GALNT1: variants seen among roughly 807,000 people sequenced by gnomAD.
GALNT1 encodes GalNAc transferase 1.
A neutral mutation model predicts 65.7 loss-of-function variants in GALNT1; 17 were observed. The observed-to-expected ratio is 0.26, with a 90% CI of 0.18 to 0.39. The LOEUF is 0.39. Among genes scored for constraint, GALNT1 ranks in the 10% least tolerant of loss-of-function variants. The pLI is 1.00. For missense variants in GALNT1, 460 were observed against 672.8 expected, an observed-to-expected ratio of 0.68 and a Z score of 3.50; for synonymous variants, 210 against 219.7, an observed-to-expected ratio of 0.96 and a Z score of 0.39.
rs994803432 is a variant in GALNT1 at position 35,710,331 on chromosome 18, T to A, written c.*561T>A. 2 of 152,786 alleles carry A rather than the reference T, an allele frequency of 1.3e-5. No homozygotes were observed. Among genetic ancestry groups the A allele is most frequent in the African/African-American group, 4.8e-5 (2 of 41,452 alleles). The allele number at this position is 152,786 out of a possible 1,614,324, so 9.5% of individuals were successfully genotyped here. A position where few individuals can be genotyped will look rare whatever the true frequency, so the allele number is the denominator to read the frequency against. ...TAAAACAGAACTATGAGAAGTACAA[T>A]TTGTTATAGTATAGTATCAAATTTC... is the stretch of plus-strand genomic sequence containing the variant. On this transcript the variant is annotated 3_prime_UTR_variant, in exon 12 of 12. Transcript: ENST00000269195.
chr18:35,625,450 A>G (rs1343633917), intron 1 of GALNT1, among the ~76,000 whole-genome samples: 12 of 152,214 alleles, frequency 7.9e-5, no homozygotes, highest in Admixed American at 7.9e-4. Flanking sequence ...GATGGCTAAG[A>G]TATCAAGTAG....
intron 1 of GALNT1, among the ~76,000 whole-genome samples, chr18:35,647,707 G>C (rs2047249512): frequency 6.6e-6 from 1 of 152,200 alleles, no homozygotes; most frequent in African/African-American, 2.4e-5. Flanking sequence ...GTTCTCAGGA[G>C]AGAGGAGTAA....
intron 1 of GALNT1, among the ~76,000 whole-genome samples, chr18:35,604,561 A>G (rs2046623410): frequency 1.3e-5 from 2 of 152,164 alleles, no homozygotes; most frequent in Non-Finnish European, 2.9e-5. Context: ...CCTTTTCCCT[A>G]CAGCTGCACC....
intron 1 of GALNT1, among the ~76,000 whole-genome samples, chr18:35,630,436 T>C (rs1568019299): frequency 2.0e-5 from 3 of 152,110 alleles, no homozygotes; most frequent in African/African-American, 7.2e-5. Flanking sequence ...AACTGAACAA[T>C]CTGCTTCTGA....
chr18:35,670,847 G>A (rs1381686774), intron 3 of GALNT1, among the ~76,000 whole-genome samples: 3 of 152,230 alleles, frequency 2.0e-5, no homozygotes, highest in South Asian at 2.1e-4. Flanking sequence ...GTGGCACTAT[G>A]TGGCAGTAGG....
At chr18:35,666,011 C>T (rs1374890277) in intron 3 of GALNT1, among the ~76,000 whole-genome samples, 1 of 152,120 alleles carries the variant, frequency 6.6e-6, no homozygotes, top group Non-Finnish European at 1.5e-5. Flanking sequence ...CAGAGGCGAC[C>T]AGCCCAGATG....
intron 1 of GALNT1, among the ~76,000 whole-genome samples, chr18:35,607,428 T>C (rs2046664383): frequency 6.6e-6 from 1 of 152,158 alleles, no homozygotes; most frequent in Non-Finnish European, 1.5e-5. Context: ...GTTTCTGCCC[T>C]GTTTGGCTTG....
chr18:35,629,478 T>A (rs1214466253), intron 1 of GALNT1, among the ~76,000 whole-genome samples: 2 of 151,972 alleles, frequency 1.3e-5, no homozygotes, highest in African/African-American at 4.8e-5. Context: ...AGCTTCACAG[T>A]GAAGGAGAAA....
At chr18:35,662,502 A>G (rs2047491474) in intron 2 of GALNT1, among the ~76,000 whole-genome samples, 1 of 152,048 alleles carries the variant, frequency 6.6e-6, no homozygotes, top group African/African-American at 2.4e-5. Context: ...GCTTTGTACC[A>G]CTGGCTGAAA....
chr18:35,664,999 G>GT (rs1247212621), intron 3 of GALNT1, among the ~76,000 whole-genome samples: 1 of 152,210 alleles, frequency 6.6e-6, no homozygotes, highest in Non-Finnish European at 1.5e-5. Context: ...ACTTGGGAAA[G>GT]TTTCCAACTT....
intron 5 of GALNT1, among the ~76,000 whole-genome samples, chr18:35,685,106 A>G (rs1298493460): frequency 1.3e-5 from 2 of 152,190 alleles, no homozygotes; most frequent in Non-Finnish European, 1.5e-5. Context: ...TGAGGCTGGT[A>G]TAACTGTGAT....
intron 1 of GALNT1, among the ~76,000 whole-genome samples, chr18:35,643,403 C>A (rs767831666): frequency 6.6e-6 from 1 of 152,174 alleles, no homozygotes. Flanking sequence ...TTCCCTTCTT[C>A]CCATAAGGAC....
chr18:35,647,347 T>G (rs9945941), intron 1 of GALNT1, among the ~76,000 whole-genome samples: 66 of 152,338 alleles, frequency 4.3e-4, no homozygotes, highest in African/African-American at 1.4e-3. Context: ...CTTCATAAAG[T>G]CAGGGAGTGT....
At chr18:35,625,643 G>A (rs1253534385) in intron 1 of GALNT1, among the ~76,000 whole-genome samples, 1 of 152,148 alleles carries the variant, frequency 6.6e-6, no homozygotes, top group East Asian at 1.9e-4. Context: ...GCAAAAACAT[G>A]TAGAAAATCT....
chr18:35,683,488 A>G lies in GALNT1; in HGVS notation c.579A>G (p.Arg193=), dbSNP rs776101137. ...MEQRSGLIRA[R]LKGAAVSKGQ... The stretch of plus-strand genomic sequence containing the variant: ...AACGTTCTGGATTGATCAGAGCTAG[A>G]TTAAAAGGAGCTGCTGTGTCTAAAG... The change falls in exon 5 of 12, where the codon AGA becomes AGG. Residue 193 remains arginine, a synonymous_variant. Coordinates refer to ENST00000269195, the MANE Select transcript of GALNT1 (RefSeq NM_020474.4). The G allele has an allele frequency of 6.2e-7, 1 of 1,613,882 alleles. No individual in the cohort carries two copies. The highest frequency in any genetic ancestry group is 2.2e-5 in the East Asian group (1 of 44,868).
intron 1 of GALNT1, among the ~76,000 whole-genome samples, chr18:35,599,033 GTCT>G (rs2046543634): frequency 7.7e-6 from 1 of 129,706 alleles, no homozygotes; most frequent in African/African-American, 2.8e-5. Flanking sequence ...CTATTTGTAT[GTCT>G]TCTTTTTATT....
intron 3 of GALNT1, among the ~76,000 whole-genome samples, chr18:35,676,279 G>T (rs2047709680): frequency 6.6e-6 from 1 of 152,078 alleles, no homozygotes. Flanking sequence ...CCTGTGAAAG[G>T]GGTCTTGGGA....
chr18:35,600,286 G>C (rs1322813887), intron 1 of GALNT1, among the ~76,000 whole-genome samples: 1 of 151,826 alleles, frequency 6.6e-6, no homozygotes, highest in African/African-American at 2.4e-5. Flanking sequence ...GTATTTAATA[G>C]CTATTGTAGG....
chr18:35,619,618 C>T (rs1189786827), intron 1 of GALNT1, among the ~76,000 whole-genome samples: 2 of 152,146 alleles, frequency 1.3e-5, no homozygotes, highest in East Asian at 1.9e-4. Flanking sequence ...CATAGTCCAG[C>T]GCCAAGAGAC....
Sources: gnomAD v4.1 joint callset for allele counts (sites outside exome capture counted in the v4.1 genomes callset) on GRCh38, gnomAD v4.1.1 for gene constraint, MANE v1.5 for transcripts, NCBI Gene and HGNC (gene_info 2026-07-23, HGNC 2026-07-21) for gene names.